Variants in GRAMD2B observed in about 807,000 individuals in gnomAD.
The protein encoded by GRAMD2B is GRAM domain containing 2B, also known as GRAM domain-containing protein 2B.
In GRAMD2B, 41 loss-of-function variants were observed where a neutral mutation model predicts 59.2. That is an observed-to-expected ratio of 0.69 (90% CI 0.54 to 0.90). The LOEUF (loss-of-function observed/expected upper bound fraction) is 0.90, where lower values mean the gene tolerates loss of function less well. Among genes scored for constraint, GRAMD2B ranks in the 40% least tolerant of loss-of-function variants. GRAMD2B has a pLI of 0.00. For missense variants in GRAMD2B, 424 were observed against 500.5 expected (o/e 0.85, Z 1.46); for synonymous variants, 161 against 182.7 (o/e 0.88, Z 0.96).
chr5:126,360,249 GT>G, exon 1 of GRAMD2B: 12 of 1,478,118 alleles, frequency 8.1e-6, no homozygotes, highest in Non-Finnish European at 1.1e-5. Context: ...TCAAAGAGCT[GT>G]GGTTGGGCAG....
Position 126,415,726 on chromosome 5 carries a change from T to A in GRAMD2B, c.125+44159T>A, listed in dbSNP as rs141976233. 5.8e-3 allele frequency among the ~76,000 whole-genome samples: 876 copies of A among 152,284 alleles called. 8 individuals are homozygous for A. Among genetic ancestry groups the A allele is most frequent in the African/African-American group, 0.02 (820 of 41,550 alleles). ...CCTTTCCTTCCTTGTTTCAACTTAC[T>A]AGTTTCAAATGATTTTTAAAAATGA... On this transcript the variant is annotated intron_variant, in intron 1 of 8. Coordinates refer to the GRAMD2B transcript ENST00000506445.
intron 1 of GRAMD2B, chr5:126,459,107 C>G (rs532467938): frequency 1.3e-5 from 2 of 152,270 alleles, no homozygotes; most frequent in South Asian, 4.1e-4. Flanking sequence ...ATTTGTGCTC[C>G]CATTCTCCAT....
At chr5:126,366,573 T>C (rs965811522), upstream of GRAMD2B, among the ~76,000 whole-genome samples, 1 of 152,316 alleles carries the variant, frequency 6.6e-6, no homozygotes, top group Admixed American at 6.5e-5. Context: ...CAAACAATTT[T>C]TTGAGATAGA....
At chr5:126,480,565 C>G in intron 7 of GRAMD2B, 38 bp downstream of exon 7, 1 of 1,605,666 alleles carries the variant, frequency 6.2e-7, no homozygotes, top group Non-Finnish European at 8.5e-7. Context: ...TACTGTCTCT[C>G]TTCTGTATTT....
At chr5:126,371,314 C>T in exon 1 of GRAMD2B, 2 of 1,134,896 alleles carry the variant, frequency 1.8e-6, no homozygotes, top group Non-Finnish European at 2.2e-6. Flanking sequence ...GATTGAGTCA[C>T]ATGAAGAAAG....
At chr5:126,484,631 T>A in intron 10 of GRAMD2B, 107 bp downstream of exon 10, 1 of 1,153,718 alleles carries the variant, frequency 8.7e-7, no homozygotes, top group East Asian at 2.6e-5. Flanking sequence ...CCCAGGCTGC[T>A]GTAGTGCAAT....
intron 1 of GRAMD2B, among the ~76,000 whole-genome samples, chr5:126,383,100 G>A (rs974928548): frequency 1.4e-4 from 21 of 152,152 alleles, no homozygotes; most frequent in African/African-American, 4.3e-4. Flanking sequence ...GGAGGTAGCC[G>A]GGGAGTGAAG....
chr5:126,361,380 G>C (rs1754213565), intron 1 of GRAMD2B, among the ~76,000 whole-genome samples: 2 of 151,694 alleles, frequency 1.3e-5, no homozygotes, highest in Non-Finnish European at 2.9e-5. Context: ...CTGGGCTTTG[G>C]ATTCTACAAA....
intron 8 of GRAMD2B, 90 bp downstream of exon 8, chr5:126,480,797 A>G (rs528878490): frequency 2.2e-4 from 261 of 1,202,176 alleles, no homozygotes; most frequent in Non-Finnish European, 2.6e-4. Context: ...AGGGTGTGGG[A>G]AGAGCTTAGG....
At chr5:126,483,031 T>C (rs1162727187) in intron 8 of GRAMD2B, among the ~76,000 whole-genome samples, 1 of 151,650 alleles carries the variant, frequency 6.6e-6, no homozygotes, top group East Asian at 1.9e-4. Flanking sequence ...TTCCAATACT[T>C]TTTTAAAAAA....
chr5:126,431,632 C>A (rs1024088024), intron 1 of GRAMD2B, among the ~76,000 whole-genome samples: 3 of 151,878 alleles, frequency 2.0e-5, no homozygotes, highest in African/African-American at 7.3e-5. Context: ...GGTGATATGA[C>A]CTGTTTTAAA....
intron 5 of GRAMD2B, among the ~76,000 whole-genome samples, chr5:126,476,234 T>C (rs922788239): frequency 1.3e-5 from 2 of 152,116 alleles, no homozygotes; most frequent in African/African-American, 4.8e-5. Flanking sequence ...GATTGCACCA[T>C]TGCACTCCAG....
intron 1 of GRAMD2B, among the ~76,000 whole-genome samples, chr5:126,398,821 G>C (rs893623760): frequency 2.0e-5 from 3 of 152,064 alleles, no homozygotes; most frequent in Non-Finnish European, 4.4e-5. Flanking sequence ...GTCTGGAGAT[G>C]CTTCTTAAGT....
chr5:126,436,440 G>A (rs1443115034), intron 1 of GRAMD2B, among the ~76,000 whole-genome samples: 1 of 152,138 alleles, frequency 6.6e-6, no homozygotes. Flanking sequence ...CTTGAGGCCA[G>A]GAGTTGGAGG....
chr5:126,395,098 T>C (rs1173281229), intron 1 of GRAMD2B, among the ~76,000 whole-genome samples: 1 of 147,714 alleles, frequency 6.8e-6, no homozygotes, highest in Non-Finnish European at 1.5e-5. Context: ...CTTTTTTTTT[T>C]GTTAGAAGAT....
chr5:126,439,298 A>AATTG (rs1217615054), intron 1 of GRAMD2B, among the ~76,000 whole-genome samples: 2 of 151,254 alleles, frequency 1.3e-5, no homozygotes, highest in Non-Finnish European at 2.9e-5. Flanking sequence ...ATATAGATAA[A>AATTG]ATTGATTGTT....
chr5:126,470,095 C>G (rs1769265724), intron 3 of GRAMD2B, among the ~76,000 whole-genome samples: 1 of 152,142 alleles, frequency 6.6e-6, no homozygotes, highest in African/African-American at 2.4e-5. Context: ...ATTGGCAGGA[C>G]AAGGGGAGTT....
intron 1 of GRAMD2B, among the ~76,000 whole-genome samples, chr5:126,462,062 C>G (rs1767478842): frequency 6.6e-6 from 1 of 152,160 alleles, no homozygotes; most frequent in Non-Finnish European, 1.5e-5. Flanking sequence ...CCTGTCTCAT[C>G]TACAAAGCTC....
chr5:126,470,960 G>T (rs1360616676), intron 3 of GRAMD2B, among the ~76,000 whole-genome samples: 1 of 152,138 alleles, frequency 6.6e-6, no homozygotes, highest in Non-Finnish European at 1.5e-5. Context: ...TTTAAATCAA[G>T]CGTGCAACCA....
Sources: allele counts gnomAD v4.1 joint callset (sites outside exome capture counted in the v4.1 genomes callset), GRCh38; gene constraint gnomAD v4.1.1; transcripts MANE v1.5; gene names NCBI Gene and HGNC (gene_info 2026-07-23, HGNC 2026-07-21).